Variants in PHACTR1 observed in about 807,000 individuals in gnomAD.
PHACTR1 encodes phosphatase and actin regulator 1.
A neutral mutation model predicts 69.2 loss-of-function variants in PHACTR1; 16 were observed. The observed-to-expected ratio is 0.23, with a 90% CI of 0.16 to 0.35. The LOEUF (loss-of-function observed/expected upper bound fraction) is 0.35, where lower values mean the gene tolerates loss of function less well. Among genes scored for constraint, PHACTR1 ranks in the 10% least tolerant of loss-of-function variants. The probability of loss-of-function intolerance (pLI) is 1.00; values close to 1 mark genes in which losing one functional copy is unlikely to be tolerated. For synonymous variants in PHACTR1, 312 were observed against 284.5 expected (o/e 1.10, Z -0.97); for missense variants, 510 against 734.7 (o/e 0.69, Z 3.54).
intron 4 of PHACTR1, among the ~76,000 whole-genome samples, chr6:12,835,907 T>C (rs1228196865): frequency 6.6e-6 from 1 of 152,180 alleles, no homozygotes; most frequent in Non-Finnish European, 1.5e-5. Context: ...CATATACTAA[T>C]TTCATCCTCA....
intron 4 of PHACTR1, among the ~76,000 whole-genome samples, chr6:12,884,214 AC>A (rs1783404328): frequency 6.6e-6 from 1 of 152,196 alleles, no homozygotes; most frequent in African/African-American, 2.4e-5. Context: ...CAGGGACCTG[AC>A]CCATACATTT....
chr6:13,019,070 A>T (rs144771357), intron 4 of PHACTR1, among the ~76,000 whole-genome samples: 42,588 of 142,418 alleles, frequency 0.3, 7,610 homozygotes, highest in East Asian at 0.41. Context: ...ATATATATAT[A>T]TATATTTTTT....
chr6:12,956,655 G>A (rs988090877), intron 4 of PHACTR1, among the ~76,000 whole-genome samples: 4 of 152,088 alleles, frequency 2.6e-5, no homozygotes, highest in Non-Finnish European at 5.9e-5. Flanking sequence ...GAGGATCGAG[G>A]TCAGGGCAGG....
intron 5 of PHACTR1, among the ~76,000 whole-genome samples, chr6:13,070,443 T>C (rs777751125): frequency 4.6e-5 from 7 of 152,270 alleles, no homozygotes; most frequent in Admixed American, 4.6e-4. Flanking sequence ...TACTTAGTTA[T>C]GCCTAATACC....
chr6:12,937,905 A>G (rs774809091), intron 4 of PHACTR1, among the ~76,000 whole-genome samples: 6 of 152,224 alleles, frequency 3.9e-5, no homozygotes, highest in Admixed American at 1.3e-4. Context: ...GTTCAAGACC[A>G]GCATGGCCAA....
intron 4 of PHACTR1, among the ~76,000 whole-genome samples, chr6:12,872,370 AACTCT>A (rs1782119739): frequency 6.6e-6 from 1 of 152,164 alleles, no homozygotes. Flanking sequence ...TTATACTATT[AACTCT>A]ACTCTTACTG....
chr6:13,063,158 T>C (rs1561773205), intron 5 of PHACTR1, among the ~76,000 whole-genome samples: 1 of 152,174 alleles, frequency 6.6e-6, no homozygotes, highest in Non-Finnish European at 1.5e-5. Context: ...GATGCTGCCA[T>C]TGTTCATAAG....
At chr6:12,954,070 G>T (rs1791592758) in intron 4 of PHACTR1, among the ~76,000 whole-genome samples, 1 of 152,114 alleles carries the variant, frequency 6.6e-6, no homozygotes, top group South Asian at 2.1e-4. Context: ...AGTTGAGCTG[G>T]GCTTGAAAGA....
intron 4 of PHACTR1, among the ~76,000 whole-genome samples, chr6:13,016,235 A>G (rs1800149814): frequency 6.6e-6 from 1 of 152,264 alleles, no homozygotes; most frequent in Non-Finnish European, 1.5e-5. Context: ...ATAATGAGCC[A>G]AACAGATTTC....
intron 5 of PHACTR1, among the ~76,000 whole-genome samples, chr6:13,105,035 C>T (rs12204322): frequency 4.6e-5 from 7 of 152,138 alleles, no homozygotes; most frequent in Non-Finnish European, 8.8e-5. Flanking sequence ...GGATCGTGAG[C>T]GTGGTCTGAT....
chr6:12,768,109 C>CTTT lies in PHACTR1; in HGVS notation c.250+18340_250+18342dup, dbSNP rs781107897. 2.6e-3 allele frequency among the ~76,000 whole-genome samples: 277 copies of CTTT among 107,550 alleles called. 2 individuals are homozygous for CTTT. The highest frequency in any genetic ancestry group is 3.0e-3 in the African/African-American group (84 of 27,674). 70.6% of individuals were successfully genotyped at this position (107,550 alleles called of 152,430 possible). ...CAATCTCTTAGAACACTATCAAATC[C>CTTT]TTTTTTTTTTTTTTTTTTTTTTTGA... On this transcript the variant is annotated intron_variant, in intron 4 of 14. Coordinates refer to ENST00000332995, the MANE Select transcript of PHACTR1 (RefSeq NM_030948.6).
At chr6:12,854,397 T>G (rs1368262061) in intron 4 of PHACTR1, among the ~76,000 whole-genome samples, 1 of 152,228 alleles carries the variant, frequency 6.6e-6, no homozygotes, top group African/African-American at 2.4e-5. Context: ...GTTGAACAAC[T>G]TGTCTCAGAG....
chr6:13,238,263 C>A (rs1421065666), intron 10 of PHACTR1, among the ~76,000 whole-genome samples: 1 of 152,174 alleles, frequency 6.6e-6, no homozygotes, highest in Non-Finnish European at 1.5e-5. Flanking sequence ...TGGCACTAAG[C>A]CCCATGGGGT....
chr6:12,842,564 G>C (rs1778798634), intron 4 of PHACTR1, among the ~76,000 whole-genome samples: 1 of 152,146 alleles, frequency 6.6e-6, no homozygotes, highest in African/African-American at 2.4e-5. Context: ...TTGAGACACG[G>C]TCTCAATCTC....
At chr6:12,940,531 C>T (rs1021471033) in intron 4 of PHACTR1, among the ~76,000 whole-genome samples, 8 of 152,088 alleles carry the variant, frequency 5.3e-5, no homozygotes, top group East Asian at 1.9e-4. Context: ...GTTGAGAATT[C>T]GTAATAGATG....
intron 4 of PHACTR1, among the ~76,000 whole-genome samples, chr6:13,024,149 G>A (rs1039459297): frequency 2.0e-5 from 3 of 151,806 alleles, no homozygotes; most frequent in Admixed American, 2.0e-4. Context: ...ATTGAGAGAT[G>A]CATTATAGGG....
intron 8 of PHACTR1, among the ~76,000 whole-genome samples, chr6:13,214,461 C>A (rs974640918): frequency 6.6e-6 from 1 of 152,186 alleles, no homozygotes; most frequent in African/African-American, 2.4e-5. Context: ...CTTATTAATT[C>A]TCTTGGAGCA....
In PHACTR1 at chr6:13,020,714, T is replaced by C. The variant is rs570655665; in HGVS notation, c.251-32651T>C. Among the ~76,000 whole-genome samples the C allele has an allele frequency of 9.2e-5, 14 of 152,346 alleles. No homozygotes were observed. The South Asian group carries it at 2.9e-3, about 32-fold the overall frequency. Reference sequence around the variant, plus strand: ...AGGGTCTGTCCTATCTCCTCATGACTGCTATGTTTCTAGTGCTGAGAACGG... The same window carrying C: ...AGGGTCTGTCCTATCTCCTCATGACCGCTATGTTTCTAGTGCTGAGAACGG... On this transcript the variant is annotated intron_variant, in intron 4 of 14. Coordinates refer to ENST00000332995, the MANE Select transcript of PHACTR1 (RefSeq NM_030948.6).
At chr6:13,267,847 A>AAAAAAAAAAAAAT (rs1777005310) in intron 10 of PHACTR1, 1 of 19,138 alleles carries the variant, frequency 5.2e-5, no homozygotes, top group Admixed American at 1.6e-3. Context: ...TGAAAAAAAA[A>AAAAAAAAAAAAAT]AAAAAAAAAA....
Sources: allele counts gnomAD v4.1 joint callset (sites outside exome capture counted in the v4.1 genomes callset), GRCh38; gene constraint gnomAD v4.1.1; transcripts MANE v1.5; gene names NCBI Gene and HGNC (gene_info 2026-07-23, HGNC 2026-07-21).